Variants in CLOCK observed in about 807,000 individuals in gnomAD.
CLOCK encodes circadian locomoter output cycles protein kaput.
In CLOCK, 43 loss-of-function variants were observed where a neutral mutation model predicts 118.4. The observed-to-expected ratio is 0.36, with a 90% CI of 0.28 to 0.47. CLOCK has a LOEUF of 0.47. Ranked by LOEUF, CLOCK falls within the 20% of genes least tolerant of loss-of-function variation. The probability of loss-of-function intolerance (pLI) is 1.00; values close to 1 mark genes in which losing one functional copy is unlikely to be tolerated. For synonymous variants in CLOCK, 326 were observed against 339.2 expected, an observed-to-expected ratio of 0.96 and a Z score of 0.43; for missense variants, 846 against 999.9, an observed-to-expected ratio of 0.85 and a Z score of 2.08.
chr4:55,458,755 T>A (rs1164431404), intron 11 of CLOCK, 137 bp downstream of exon 11: 1 of 663,456 alleles, frequency 1.5e-6, no homozygotes. Context: ...AGTGTCTTGA[T>A]AACTCATCGT....
At chr4:55,530,049 T>C (rs754484828) in intron 1 of CLOCK, among the ~76,000 whole-genome samples, 4 of 152,072 alleles carry the variant, frequency 2.6e-5, no homozygotes, top group Non-Finnish European at 5.9e-5. Flanking sequence ...TGGGCAAACA[T>C]AGACTAAGAA....
chr4:55,489,676 TTAAAAGA>T (rs375140299), intron 2 of CLOCK, among the ~76,000 whole-genome samples: 99 of 151,868 alleles, frequency 6.5e-4, no homozygotes, highest in African/African-American at 2.1e-3. Context: ...GGTACAGAAG[TTAAAAGA>T]TAAAAGTATT....
chr4:55,487,629 G>A (rs1248067035), intron 3 of CLOCK, among the ~76,000 whole-genome samples: 2 of 152,222 alleles, frequency 1.3e-5, no homozygotes, highest in East Asian at 1.9e-4. Context: ...TAGGAAAAAG[G>A]TGGCTGCCTT....
At chr4:55,448,156 T>C (rs940965103) in intron 18 of CLOCK, among the ~76,000 whole-genome samples, 4 of 152,192 alleles carry the variant, frequency 2.6e-5, no homozygotes, top group African/African-American at 9.6e-5. Flanking sequence ...CAATATAGCA[T>C]GGTATTGTAG....
chr4:55,522,494 TG>T (rs1012147848), intron 1 of CLOCK, among the ~76,000 whole-genome samples: 5 of 148,810 alleles, frequency 3.4e-5, no homozygotes, highest in African/African-American at 1.0e-4. Context: ...AGTAATAAAC[TG>T]TTTTTTTTTA....
At chr4:55,515,393 G>C (rs1729441826) in intron 1 of CLOCK, among the ~76,000 whole-genome samples, 1 of 151,914 alleles carries the variant, frequency 6.6e-6, no homozygotes, top group Non-Finnish European at 1.5e-5. Flanking sequence ...TGTTTGTTTT[G>C]AGATGGAGTC....
chr4:55,545,623 T>C (rs1731562912), intron 1 of CLOCK: 1 of 152,242 alleles, frequency 6.6e-6, no homozygotes, highest in South Asian at 2.1e-4. Context: ...GATTTGATCT[T>C]TCATCTGCCA....
At chr4:55,542,814 T>G (rs546870155) in intron 1 of CLOCK, among the ~76,000 whole-genome samples, 2 of 152,198 alleles carry the variant, frequency 1.3e-5, no homozygotes, top group African/African-American at 4.8e-5. Context: ...GAGGCTTTCG[T>G]AGGAGTCTGC....
intron 1 of CLOCK, chr4:55,546,454 C>G (rs1310241581): frequency 6.6e-6 from 1 of 152,418 alleles, no homozygotes; most frequent in Non-Finnish European, 1.5e-5. Flanking sequence ...CGCCGCCCCC[C>G]GCTCCCTCCC....
At chr4:55,455,729 T>C (rs1724873679) in intron 13 of CLOCK, among the ~76,000 whole-genome samples, 168 bp downstream of exon 13, 1 of 152,242 alleles carries the variant, frequency 6.6e-6, no homozygotes, top group African/African-American at 2.4e-5. Flanking sequence ...AGTTTAAACT[T>C]GATCTATGAT....
At position 55,430,503 on chromosome 4, in the gene CLOCK, T is replaced by A. The variant is rs1316614281; in HGVS notation, c.*4912A>T. ...TCAACACTGTTTTAAATATCCTGAA[T>A]AACTGTGCCAACAAAATTCATCCCC... On this transcript the variant is annotated 3_prime_UTR_variant, in exon 23 of 23. Coordinates refer to ENST00000513440, the MANE Select transcript of CLOCK (RefSeq NM_004898.4). 6.6e-6 allele frequency: 1 copy of A among 152,212 alleles called. No homozygotes were observed. Among genetic ancestry groups the A allele is most frequent in the Non-Finnish European group, 1.5e-5 (1 of 68,014 alleles). 9.4% of individuals were successfully genotyped at this position (152,212 alleles called of 1,614,324 possible). A position where few individuals can be genotyped will look rare whatever the true frequency, so the allele number is the denominator to read the frequency against.
intron 9 of CLOCK, among the ~76,000 whole-genome samples, chr4:55,463,359 A>C (rs1426868226): frequency 1.3e-5 from 2 of 151,992 alleles, no homozygotes; most frequent in Admixed American, 6.5e-5. Flanking sequence ...ATTTTCCCTT[A>C]TTAAATACAG....
intron 18 of CLOCK, among the ~76,000 whole-genome samples, chr4:55,446,665 T>C (rs187373443): frequency 2.0e-5 from 3 of 152,388 alleles, no homozygotes; most frequent in Admixed American, 1.3e-4. Context: ...ACTTGAGTCA[T>C]GAGCAGCTCC....
At chr4:55,512,211 T>G (rs900719524) in intron 1 of CLOCK, among the ~76,000 whole-genome samples, 21 of 152,162 alleles carry the variant, frequency 1.4e-4, no homozygotes, top group Non-Finnish European at 2.9e-4. Flanking sequence ...CAGCAATGAA[T>G]GAGAGTTCCT....
At chr4:55,444,533 C>T (rs1368265557) in intron 19 of CLOCK, 100 bp downstream of exon 19, 15 of 1,375,450 alleles carry the variant, frequency 1.1e-5, no homozygotes, top group African/African-American at 4.3e-5. Flanking sequence ...ATTGATAAAA[C>T]GTATCTCTTG....
chr4:55,440,743 A>G (rs953086957), intron 21 of CLOCK, among the ~76,000 whole-genome samples: 4 of 152,206 alleles, frequency 2.6e-5, no homozygotes, highest in Non-Finnish European at 5.9e-5. Flanking sequence ...GGTAAATGTG[A>G]TAAGAATATT....
chr4:55,451,039 TAA>T (rs929713996), intron 15 of CLOCK, among the ~76,000 whole-genome samples: 6 of 142,544 alleles, frequency 4.2e-5, no homozygotes, highest in African/African-American at 2.6e-5. Context: ...TCTCTCAACT[TAA>T]AAAAAAAAAA....
At chr4:55,505,927 A>G (rs1054257544) in intron 2 of CLOCK, among the ~76,000 whole-genome samples, 6 of 151,864 alleles carry the variant, frequency 4.0e-5, no homozygotes, top group African/African-American at 1.2e-4. Flanking sequence ...TAAAATGCAC[A>G]TATCATACCT....
chr4:55,487,813 A>T (rs1727395314), intron 3 of CLOCK, among the ~76,000 whole-genome samples: 1 of 152,194 alleles, frequency 6.6e-6, no homozygotes. Flanking sequence ...TTCCCACAGC[A>T]GGCTTAGGAT....
Sources: allele counts gnomAD v4.1 joint callset (sites outside exome capture counted in the v4.1 genomes callset), GRCh38; gene constraint gnomAD v4.1.1; transcripts MANE v1.5; gene names NCBI Gene and HGNC (gene_info 2026-07-23, HGNC 2026-07-21).